VEGFC: variants seen among roughly 807,000 people sequenced by gnomAD.
The protein encoded by VEGFC is vascular endothelial growth factor C, also known as FLT4 ligand DHM.
VEGFC carries 12 observed loss-of-function variants against 46.1 expected under a neutral mutation model. The ratio of observed to expected loss-of-function variants is 0.26; its 90% CI spans 0.17 to 0.42. VEGFC has a LOEUF of 0.42. Ranked by LOEUF, VEGFC falls within the 10% of genes least tolerant of loss-of-function variation. VEGFC has a pLI of 1.00. For missense variants in VEGFC, 488 were observed against 529.4 expected, an observed-to-expected ratio of 0.92 and a Z score of 0.77; for synonymous variants, 232 against 195.5, an observed-to-expected ratio of 1.19 and a Z score of -1.56.
chr4:176,781,930 G>A lies in VEGFC; in HGVS notation c.147+10235C>T, dbSNP rs1735922758. On this transcript the variant is annotated intron_variant, in intron 1 of 6. Transcript: ENST00000618562. The stretch of plus-strand genomic sequence containing the variant: ...CCCATACCCTATTCAATTACCACAA[G>A]GGAGAAAGTGCTGCCTGTCTCAGAG... Among the ~76,000 whole-genome samples, 3 of 152,172 alleles carry A rather than the reference G, an allele frequency of 2.0e-5. No individual in the cohort carries two copies. The South Asian group carries it at 6.2e-4, about 32-fold the overall frequency.
intron 4 of VEGFC, among the ~76,000 whole-genome samples, chr4:176,694,586 C>T (rs1289523342): frequency 6.6e-6 from 1 of 151,904 alleles, no homozygotes; most frequent in Non-Finnish European, 1.5e-5. Context: ...AGAAAGTCAA[C>T]AAGGATACGC....
chr4:176,790,402 T>A (rs1273374273), intron 1 of VEGFC, among the ~76,000 whole-genome samples: 1 of 152,196 alleles, frequency 6.6e-6, no homozygotes, highest in Non-Finnish European at 1.5e-5. Context: ...ATAGTGATTT[T>A]CACAGCAATG....
At chr4:176,734,356 A>C (rs1380278495) in intron 1 of VEGFC, among the ~76,000 whole-genome samples, 2 of 151,862 alleles carry the variant, frequency 1.3e-5, no homozygotes, top group African/African-American at 2.4e-5. Flanking sequence ...TTTGGCAAAT[A>C]GTTTATAATT....
intron 4 of VEGFC, among the ~76,000 whole-genome samples, chr4:176,708,073 G>A (rs1043431717): frequency 6.6e-6 from 1 of 151,702 alleles, no homozygotes; most frequent in African/African-American, 2.4e-5. Flanking sequence ...TAAGTTAAAA[G>A]TTTTCTCATA....
chr4:176,716,800 A>G (rs139149851), intron 3 of VEGFC, among the ~76,000 whole-genome samples: 1 of 152,216 alleles, frequency 6.6e-6, no homozygotes, highest in East Asian at 1.9e-4. Context: ...TTCCTCTCAA[A>G]AGAGTTTAGA....
intron 1 of VEGFC, among the ~76,000 whole-genome samples, chr4:176,772,616 G>A (rs147414167): frequency 0.014 from 2,162 of 152,296 alleles, 22 homozygotes; most frequent in Middle Eastern, 0.027. Flanking sequence ...AATCCCCAAT[G>A]CAAAAGCATT....
intron 1 of VEGFC, among the ~76,000 whole-genome samples, chr4:176,765,465 CTA>C (rs1354382378): frequency 6.6e-6 from 1 of 151,740 alleles, no homozygotes; most frequent in Non-Finnish European, 1.5e-5. Flanking sequence ...TCAAAAATTG[CTA>C]TGATCATCAA....
intron 2 of VEGFC, among the ~76,000 whole-genome samples, chr4:176,729,286 A>G (rs758599722): frequency 3.9e-5 from 6 of 152,226 alleles, no homozygotes; most frequent in Non-Finnish European, 8.8e-5. Flanking sequence ...TCCAATGGCT[A>G]TCACCTGAAA....
intron 2 of VEGFC, among the ~76,000 whole-genome samples, chr4:176,728,376 T>G (rs1286467487): frequency 6.6e-6 from 1 of 152,130 alleles, no homozygotes; most frequent in Non-Finnish European, 1.5e-5. Context: ...CAAATATAAA[T>G]ATAATTTTAT....
chr4:176,770,911 T>G (rs1252657931), intron 1 of VEGFC, among the ~76,000 whole-genome samples: 2 of 151,772 alleles, frequency 1.3e-5, no homozygotes, highest in East Asian at 3.9e-4. Context: ...GAATGTCCAT[T>G]CTTCTACCCC....
At chr4:176,791,508 T>G (rs1372047751) in intron 1 of VEGFC, among the ~76,000 whole-genome samples, 1 of 129,964 alleles carries the variant, frequency 7.7e-6, no homozygotes, top group African/African-American at 2.5e-5. Flanking sequence ...AAACTTAGTT[T>G]GCAGTATCTC....
At chr4:176,700,879 T>C (rs1734418548) in intron 4 of VEGFC, among the ~76,000 whole-genome samples, 2 of 151,920 alleles carry the variant, frequency 1.3e-5, no homozygotes, top group Non-Finnish European at 2.9e-5. Context: ...ATGATGACAA[T>C]AAAAAACACG....
chr4:176,755,469 C>G (rs1735417122), intron 1 of VEGFC, among the ~76,000 whole-genome samples: 1 of 151,958 alleles, frequency 6.6e-6, no homozygotes, highest in South Asian at 2.1e-4. Flanking sequence ...ACTCCAGATA[C>G]CCATAACGAT....
intron 4 of VEGFC, among the ~76,000 whole-genome samples, chr4:176,700,557 G>A (rs10007002): frequency 0.06 from 9,152 of 152,218 alleles, 501 homozygotes; most frequent in Admixed American, 0.12. Flanking sequence ...TCACCAACTG[G>A]CTAAGTACAG....
intron 4 of VEGFC, among the ~76,000 whole-genome samples, chr4:176,691,877 A>G (rs1734186810): frequency 6.6e-6 from 1 of 152,142 alleles, no homozygotes; most frequent in African/African-American, 2.4e-5. Flanking sequence ...CTGCATTTCC[A>G]TCTGAGGTAC....
At chr4:176,753,098 C>G (rs1028228324) in intron 1 of VEGFC, among the ~76,000 whole-genome samples, 1 of 152,064 alleles carries the variant, frequency 6.6e-6, no homozygotes, top group Non-Finnish European at 1.5e-5. Context: ...CCTGATCCTG[C>G]TGAAACAGTC....
At chr4:176,732,880 A>T (rs1385885435) in intron 1 of VEGFC, among the ~76,000 whole-genome samples, 1 of 151,950 alleles carries the variant, frequency 6.6e-6, no homozygotes, top group East Asian at 1.9e-4. Flanking sequence ...CACAAATGAT[A>T]AACAGTGAGA....
intron 1 of VEGFC, among the ~76,000 whole-genome samples, chr4:176,753,946 T>C (rs994214117): frequency 3.3e-5 from 5 of 152,108 alleles, no homozygotes; most frequent in African/African-American, 1.2e-4. Flanking sequence ...TGTTGCAGAC[T>C]ACAACGTCCT....
intron 1 of VEGFC, among the ~76,000 whole-genome samples, chr4:176,754,575 C>G (rs1391499697): frequency 6.6e-6 from 1 of 152,004 alleles, no homozygotes; most frequent in Non-Finnish European, 1.5e-5. Context: ...GAATCTGACT[C>G]CACATCCTCT....
Sources: gnomAD v4.1 joint callset for allele counts (sites outside exome capture counted in the v4.1 genomes callset) on GRCh38, gnomAD v4.1.1 for gene constraint, MANE v1.5 for transcripts, NCBI Gene and HGNC (gene_info 2026-07-23, HGNC 2026-07-21) for gene names.